The following FAT4 variants were observed in gnomAD, a reference collection of about 807,000 sequenced individuals.
The protein encoded by FAT4 is FAT atypical cadherin 4, also known as protocadherin Fat 4.
A neutral mutation model predicts 303.9 loss-of-function variants in FAT4; 84 were observed. The ratio of observed to expected loss-of-function variants is 0.28; its 90% CI spans 0.23 to 0.33. The LOEUF (loss-of-function observed/expected upper bound fraction) is 0.33. FAT4 is among the 10% of genes least tolerant of loss of function. FAT4 has a pLI of 1.00. For synonymous variants in FAT4, 2,307 were observed against 2,298.8 expected (o/e 1.00, Z -0.10); for missense variants, 6,005 against 6,146.8 (o/e 0.98, Z 0.77).
chr4:125,437,388 C>A (rs1247626669), intron 8 of FAT4, among the ~76,000 whole-genome samples: 1 of 152,126 alleles, frequency 6.6e-6, no homozygotes, highest in Non-Finnish European at 1.5e-5. Flanking sequence ...AGAGGAAATG[C>A]AGGACAGAAT....
Position 125,451,355 on chromosome 4 carries a change from G to A in FAT4, c.10345G>A (p.Gly3449Arg), listed in dbSNP as rs759615553. The A allele has an allele frequency of 6.2e-7, 1 of 1,614,104 alleles. No individual in the cohort carries two copies. Residue 3449 changes from glycine to arginine, a missense_variant, in exon 10 of 18, where the codon GGG (glycine) becomes AGG (arginine). By Grantham distance (125) the Gly-to-Arg change is moderately radical. Transcript: ENST00000394329. ...WSRFSYFIGS[G>R]NENGAFSINP... ...CAGGTTTTCTTACTTCATCGGATCA[G>A]GGAATGAAAATGGTGCCTTTTCTAT... is the stretch of plus-strand genomic sequence containing the variant.
chr4:125,467,012 C>T (rs1726689018), intron 11 of FAT4, among the ~76,000 whole-genome samples: 1 of 151,862 alleles, frequency 6.6e-6, no homozygotes, highest in Non-Finnish European at 1.5e-5. Context: ...CTCCTGACCT[C>T]GTGATCCGCC....
At chr4:125,386,680 C>T (rs1733762881) in intron 2 of FAT4, among the ~76,000 whole-genome samples, 1 of 152,112 alleles carries the variant, frequency 6.6e-6, no homozygotes, top group South Asian at 2.1e-4. Context: ...CAATTTATAT[C>T]ACATAAAATT....
At chr4:125,340,968 A>C (rs1332472449) in intron 2 of FAT4, among the ~76,000 whole-genome samples, 1 of 152,230 alleles carries the variant, frequency 6.6e-6, no homozygotes. Flanking sequence ...CCTGTTTATT[A>C]AGTTTGTGTA....
intron 7 of FAT4, among the ~76,000 whole-genome samples, chr4:125,417,883 T>G (rs1735134498): frequency 6.6e-6 from 1 of 152,170 alleles, no homozygotes; most frequent in Non-Finnish European, 1.5e-5. Flanking sequence ...GAAGTTCACT[T>G]TTATGAGTGA....
intron 2 of FAT4, among the ~76,000 whole-genome samples, chr4:125,364,881 A>G (rs1340095741): frequency 6.6e-6 from 1 of 152,156 alleles, no homozygotes; most frequent in Non-Finnish European, 1.5e-5. Context: ...ACTTTATCTT[A>G]TTTGTGTTTC....
rs1452017220 is a variant in FAT4, at chr4:125,317,423, G to A, written c.1012G>A (p.Glu338Lys). The change falls in exon 2 of 18, where the codon GAG becomes AAG. Residue 338 changes from glutamate to lysine, a missense_variant. Physicochemically the swap from Glu to Lys is moderately conservative, Grantham distance 56. Transcript: ENST00000394329. This position sits in a 1 kb window ranked among gnomAD's most constrained non-coding sequence, Gnocchi z 7.0. ...RGVPSLTGRA[E>K]ALIQLLDVND... ...CGTGCCTTCCCTCACTGGGCGCGCC[G>A]AGGCGCTGATTCAGCTGCTGGACGT... 2.5e-6 allele frequency: 4 copies of A among 1,613,464 alleles called. No homozygotes were observed. Among genetic ancestry groups the A allele is most frequent in the Non-Finnish European group, 2.5e-6 (3 of 1,180,038 alleles).
intron 2 of FAT4, among the ~76,000 whole-genome samples, chr4:125,373,926 G>A (rs578010296): frequency 1.3e-4 from 18 of 138,186 alleles, no homozygotes; most frequent in African/African-American, 5.9e-4. Context: ...AAAATAATAA[G>A]GACTATGTAT....
At chr4:125,359,625 T>G (rs1383710040) in intron 2 of FAT4, among the ~76,000 whole-genome samples, 2 of 152,272 alleles carry the variant, frequency 1.3e-5, no homozygotes, top group Admixed American at 1.3e-4. Flanking sequence ...AAAAACATAC[T>G]TTCATGTTGG....
chr4:125,388,209 A>G (rs1052766464), intron 2 of FAT4, among the ~76,000 whole-genome samples: 2 of 152,204 alleles, frequency 1.3e-5, no homozygotes, highest in Non-Finnish European at 2.9e-5. Flanking sequence ...GAAAGAGCCC[A>G]AAAAAGGCAA....
At chr4:125,364,607 GC>G (rs1181718532) in intron 2 of FAT4, among the ~76,000 whole-genome samples, 1 of 151,962 alleles carries the variant, frequency 6.6e-6, no homozygotes, top group East Asian at 1.9e-4. Context: ...AATTAACTAG[GC>G]CATCTTCAGT....
rs758724309 is a variant in FAT4, at chr4:125,318,943, C to T, written c.2532C>T (p.Val844=). 1.2e-6 allele frequency: 2 copies of T among 1,614,116 alleles called. No homozygotes were observed. The highest frequency in any genetic ancestry group is 1.7e-6 in the Non-Finnish European group (2 of 1,180,024). The change falls in exon 2 of 18, where the codon GTC becomes GTT. Residue 844 remains valine, a synonymous_variant. Coordinates refer to ENST00000394329, the MANE Select transcript of FAT4 (RefSeq NM_001291303.3). ...AAGGTATGTTTGCTATCAACCAGGT[C>T]ACTGGGCAGCTTACCACAGCAAATG... ...DQKGMFAINQ[V]TGQLTTANVI...
At chr4:125,445,693 C>T (rs752159407) in intron 8 of FAT4, among the ~76,000 whole-genome samples, 1 of 152,012 alleles carries the variant, frequency 6.6e-6, no homozygotes, top group Non-Finnish European at 1.5e-5. Context: ...TCAAAACATC[C>T]ATGAAGATGT....
In FAT4 at chr4:125,451,942, T is replaced by C. The variant is rs1726095382; in HGVS notation, c.10932T>C (p.Asp3644=). Reference sequence around the variant, plus strand: ...GCTCTGTGAAGCCACAGGATCCAGATGTGTTAGACAGCTTCCACTGCTCCC... The same window carrying C: ...GCTCTGTGAAGCCACAGGATCCAGACGTGTTAGACAGCTTCCACTGCTCCC... ...ILGSVKPQDP[D]VLDSFHCSLT... is the part of the protein sequence containing the mutation. The change falls in exon 10 of 18, where the codon GAT becomes GAC. Residue 3644 remains aspartate (D), a synonymous_variant. Transcript: ENST00000394329. 1 of 1,614,032 alleles carries C rather than the reference T, an allele frequency of 6.2e-7. No individual in the cohort carries two copies. Among genetic ancestry groups the C allele is most frequent in the Admixed American group, 1.7e-5 (1 of 60,000 alleles).
intron 15 of FAT4, 73 bp downstream of exon 15, chr4:125,479,938 G>A: frequency 8.4e-7 from 1 of 1,184,094 alleles, no homozygotes; most frequent in Admixed American, 2.8e-5. Flanking sequence ...ACCCAAGTAT[G>A]TAATCAAATT....
Position 125,378,786 on chromosome 4 carries a change from T to A in FAT4, c.5176-19998T>A, listed in dbSNP as rs186721746. 2.0e-5 allele frequency among the ~76,000 whole-genome samples: 3 copies of A among 152,294 alleles called. No individual in the cohort carries two copies. In the East Asian group the frequency reaches 5.8e-4, roughly 29 times the overall value. On this transcript the variant is annotated intron_variant, in intron 2 of 17. Transcript: ENST00000394329. ...ATTTGTCTTTGTAACCTAGAATATTTTCTCAATTGCTACTATGAAAATTAA... is the reference window on the plus strand; with the variant it reads ...ATTTGTCTTTGTAACCTAGAATATTATCTCAATTGCTACTATGAAAATTAA...
At position 125,317,408 on chromosome 4, in the gene FAT4, C is replaced by T; in HGVS notation, c.997C>T (p.Leu333Phe). Residue 333 changes from leucine (L) to phenylalanine (F), a missense_variant, in exon 2 of 18, where the codon CTC becomes TTC. Transcript: ENST00000394329. The surrounding 1 kb of genome is among the most constrained non-coding windows in gnomAD (Gnocchi z 7.0). ...VQAMDRGVPS[L>F]TGRAEALIQL... ...GGCGATGGACAGAGGCGTGCCTTCCCTCACTGGGCGCGCCGAGGCGCTGAT... is the reference window on the plus strand; with the variant it reads ...GGCGATGGACAGAGGCGTGCCTTCCTTCACTGGGCGCGCCGAGGCGCTGAT... 2 of 1,613,570 alleles carry T rather than the reference C, an allele frequency of 1.2e-6. No homozygotes were observed. Among genetic ancestry groups the T allele is most frequent in the Non-Finnish European group, 1.7e-6 (2 of 1,180,042 alleles).
At chr4:125,438,050 T>A (rs1725521400) in intron 8 of FAT4, among the ~76,000 whole-genome samples, 1 of 152,208 alleles carries the variant, frequency 6.6e-6, no homozygotes, top group African/African-American at 2.4e-5. Context: ...CTGATAATGA[T>A]TTTGGAAGAG....
chr4:125,490,172 C>A lies in FAT4; in HGVS notation c.13356C>A (p.Thr4452=). The change falls in exon 18 of 18, where the codon ACC becomes ACA. Residue 4452 remains threonine (T), a synonymous_variant. Coordinates refer to ENST00000394329, the MANE Select transcript of FAT4 (RefSeq NM_001291303.3). ...SCEPGLHSGF[T]CSCPDSHTGR... ...AGCCAGGCCTGCACTCCGGCTTCAC[C>A]TGTAGCTGCCCAGACTCGCACACGG... 2 of 1,614,144 alleles carry A rather than the reference C, an allele frequency of 1.2e-6. No individual in the cohort carries two copies. The highest frequency in any genetic ancestry group is 1.7e-6 in the Non-Finnish European group (2 of 1,180,038).
Sources: gnomAD v4.1 joint callset for allele counts (sites outside exome capture counted in the v4.1 genomes callset) on GRCh38, gnomAD v4.1.1 for gene constraint, Gnocchi (gnomAD v3.1) non-coding constraint, MANE v1.5 for transcripts, NCBI Gene and HGNC (gene_info 2026-07-23, HGNC 2026-07-21) for gene names.